Variants in PTTG1IP2 observed in about 807,000 individuals in gnomAD.
PTTG1IP2 encodes PTTG1IP family member 2.
intron 2 of PTTG1IP2, among the ~76,000 whole-genome samples, chr7:90,479,991 T>G (rs535286038): frequency 2.0e-5 from 3 of 152,208 alleles, no homozygotes; most frequent in Non-Finnish European, 4.4e-5. Context: ...CTCGTCTACT[T>G]TAATGAGGAC....
chr7:90,507,514 A>G (rs1798137437), intron 6 of PTTG1IP2, among the ~76,000 whole-genome samples: 1 of 151,782 alleles, frequency 6.6e-6, no homozygotes, highest in Non-Finnish European at 1.5e-5. Context: ...TTTAGGAAAA[A>G]CTCCTAGAAT....
At chr7:90,512,359 T>C (rs1225659304) in intron 6 of PTTG1IP2, among the ~76,000 whole-genome samples, 1 of 152,242 alleles carries the variant, frequency 6.6e-6, no homozygotes, top group East Asian at 1.9e-4. Flanking sequence ...GTGGAGAATG[T>C]ACTTGCAATA....
intron 6 of PTTG1IP2, among the ~76,000 whole-genome samples, chr7:90,508,672 T>C (rs549946784): frequency 6.6e-6 from 1 of 152,334 alleles, no homozygotes; most frequent in Admixed American, 6.5e-5. Flanking sequence ...ACTTTACATG[T>C]GTTAACTCAT....
chr7:90,497,856 T>A (rs1242029339), intron 6 of PTTG1IP2, among the ~76,000 whole-genome samples: 2 of 151,938 alleles, frequency 1.3e-5, no homozygotes, highest in Non-Finnish European at 2.9e-5. Context: ...GTCTTATGTC[T>A]CCTTGTTGAT....
intron 3 of PTTG1IP2, among the ~76,000 whole-genome samples, 169 bp downstream of exon 3, chr7:90,487,589 G>A (rs754383697): frequency 1.3e-5 from 2 of 152,130 alleles, no homozygotes; most frequent in Non-Finnish European, 2.9e-5. Flanking sequence ...AAACCTGCAT[G>A]TTCTGCATAT....
rs1248689687 is a variant in PTTG1IP2 at position 90,488,860 on chromosome 7, A to T, written c.287-11A>T. Reference sequence around the variant, plus strand: ...GTTAACTTAAAATATATTTCTTTTTATACATTTCAGTTGACATGTTTGGAA... The same window carrying T: ...GTTAACTTAAAATATATTTCTTTTTTTACATTTCAGTTGACATGTTTGGAA... On this transcript the variant is annotated splice_polypyrimidine_tract_variant and intron_variant, in intron 3 of 6. Transcript: ENST00000509356. 1 of 151,982 alleles carries T rather than the reference A, an allele frequency of 6.6e-6. No individual in the cohort carries two copies. Among genetic ancestry groups the T allele is most frequent in the Non-Finnish European group, 1.5e-5 (1 of 67,838 alleles). The allele number at this position is 151,982 out of a possible 1,614,324, so 9.4% of individuals were successfully genotyped here. A position where few individuals can be genotyped will look rare whatever the true frequency, so the allele number is the denominator to read the frequency against.
At chr7:90,506,182 T>C (rs1188842898) in intron 6 of PTTG1IP2, among the ~76,000 whole-genome samples, 1 of 151,986 alleles carries the variant, frequency 6.6e-6, no homozygotes, top group Non-Finnish European at 1.5e-5. Context: ...TTTGGAGTTA[T>C]TTTTTTGCTT....
chr7:90,501,153 T>C (rs1798056918), intron 6 of PTTG1IP2, among the ~76,000 whole-genome samples: 1 of 152,182 alleles, frequency 6.6e-6, no homozygotes. Flanking sequence ...TTAACTGTGA[T>C]AGTAACTGAA....
In PTTG1IP2 at chr7:90,495,446, AC is replaced by A. The variant is rs1428452886; in HGVS notation, c.*50+1017del. 2.0e-5 allele frequency among the ~76,000 whole-genome samples: 3 copies of A among 152,348 alleles called. No individual in the cohort carries two copies. In the East Asian group the frequency reaches 5.8e-4, roughly 29 times the overall value. ...CTATCCTTTGGATTACAACATAGTT[AC>A]AAATTTGGCTTTGTGTGTGTATGTG... On this transcript the variant is annotated intron_variant, in intron 6 of 6. Transcript: ENST00000509356.
At chr7:90,486,784 G>C (rs973143420) in intron 2 of PTTG1IP2, among the ~76,000 whole-genome samples, 1 of 152,154 alleles carries the variant, frequency 6.6e-6, no homozygotes, top group African/African-American at 2.4e-5. Flanking sequence ...AATATCTTTG[G>C]TTTTGTTTCC....
intron 5 of PTTG1IP2, among the ~76,000 whole-genome samples, chr7:90,492,653 C>G (rs898255729): frequency 2.6e-5 from 4 of 152,182 alleles, no homozygotes; most frequent in African/African-American, 9.7e-5. Flanking sequence ...TTGGTAACCT[C>G]AATAGCTATA....
chr7:90,500,529 G>T (rs1195267843), intron 6 of PTTG1IP2, among the ~76,000 whole-genome samples: 2 of 152,170 alleles, frequency 1.3e-5, no homozygotes, highest in African/African-American at 4.8e-5. Flanking sequence ...AGACTTGCCT[G>T]CAGGAGTTAA....
chr7:90,471,954 T>C (rs1797693683), intron 1 of PTTG1IP2, among the ~76,000 whole-genome samples: 1 of 152,178 alleles, frequency 6.6e-6, no homozygotes, highest in Non-Finnish European at 1.5e-5. Flanking sequence ...TAGCAAACCT[T>C]GGCACTGGAA....
In PTTG1IP2 at chr7:90,495,701, T is replaced by C. The variant is rs1451620488; in HGVS notation, c.*50+1271T>C. ...GAGAATCTCTAGGGAAGAGACAATATGTATCAGTTTTAAAGTTTAGTAGAG... is the reference window on the plus strand; with the variant it reads ...GAGAATCTCTAGGGAAGAGACAATACGTATCAGTTTTAAAGTTTAGTAGAG... On this transcript the variant is annotated intron_variant, in intron 6 of 6. Transcript: ENST00000509356. Among the ~76,000 whole-genome samples the C allele has an allele frequency of 2.0e-5, 3 of 152,250 alleles. No homozygotes were observed. The East Asian group carries it at 5.8e-4, about 29-fold the overall frequency.
At chr7:90,477,828 G>A (rs1797766443) in intron 1 of PTTG1IP2, among the ~76,000 whole-genome samples, 1 of 152,172 alleles carries the variant, frequency 6.6e-6, no homozygotes, top group Non-Finnish European at 1.5e-5. Flanking sequence ...GGCCAGTGCA[G>A]TGGCTCACAC....
chr7:90,494,269 T>C (rs1325244718), intron 5 of PTTG1IP2, 98 bp from the exon 6 acceptor site: 1 of 152,240 alleles, frequency 6.6e-6, no homozygotes, highest in Admixed American at 6.5e-5. Flanking sequence ...TTATTATTCA[T>C]GAATGTTTCA....
Position 90,488,875 on chromosome 7 carries a change from C to G in PTTG1IP2, c.291C>G (p.Asp97Glu), listed in dbSNP as rs1401551362. ...SSIYWLNCKV[D>E]MFGIMMLLLI... ...ATTTCTTTTTATACATTTCAGTTGA[C>G]ATGTTTGGAATCATGATGCTTCTAC... Residue 97 changes from aspartate (D) to glutamate (E), a missense_variant, in exon 4 of 7, where the codon GAC becomes GAG. Coordinates refer to ENST00000509356, the MANE Select transcript of PTTG1IP2 (RefSeq NM_001365443.2). The G allele has an allele frequency of 6.6e-6, 1 of 151,864 alleles. No homozygotes were observed. Among genetic ancestry groups the G allele is most frequent in the African/African-American group, 2.4e-5 (1 of 41,424 alleles). 9.4% of individuals were successfully genotyped at this position (151,864 alleles called of 1,614,324 possible). A position where few individuals can be genotyped will look rare whatever the true frequency, so the allele number is the denominator to read the frequency against.
At chr7:90,512,783 T>C (rs2116142519) in intron 6 of PTTG1IP2, among the ~76,000 whole-genome samples, 1 of 152,328 alleles carries the variant, frequency 6.6e-6, no homozygotes, top group Non-Finnish European at 1.5e-5. Flanking sequence ...ACAATTGTCT[T>C]TTGGACGATA....
In PTTG1IP2 at chr7:90,497,713, T is replaced by TAAAAAAAAAAAAAAAAAAAAAAAA. The variant is rs1491565834; in HGVS notation, c.*50+3284_*50+3285insAAAAAAAAAAAAAAAAAAAAAAAA. Among the ~76,000 whole-genome samples, 18 of 49,598 alleles carry TAAAAAAAAAAAAAAAAAAAAAAAA rather than the reference T, an allele frequency of 3.6e-4. 7 individuals are homozygous for TAAAAAAAAAAAAAAAAAAAAAAAA. The highest frequency in any genetic ancestry group is 3.0e-3 in the East Asian group (4 of 1,320). The allele number at this position is 49,598 out of a possible 152,430, so 32.5% of individuals were successfully genotyped here. A position where few individuals can be genotyped will look rare whatever the true frequency, so the allele number is the denominator to read the frequency against. On this transcript the variant is annotated intron_variant, in intron 6 of 6. Coordinates refer to ENST00000509356, the MANE Select transcript of PTTG1IP2 (RefSeq NM_001365443.2). ...GCCTGAGCGACAGAGAAAGACCCTG[T>TAAAAAAAAAAAAAAAAAAAAAAAA]ATAAAAAAAAAAAAAAAAAAAAAAA... is the stretch of plus-strand genomic sequence containing the variant.
Sources: gnomAD v4.1 joint callset for allele counts (sites outside exome capture counted in the v4.1 genomes callset) on GRCh38, gnomAD v4.1.1 for gene constraint, MANE v1.5 for transcripts, NCBI Gene and HGNC (gene_info 2026-07-23, HGNC 2026-07-21) for gene names.